Variants in NAA16 observed in about 807,000 individuals in gnomAD.
NAA16 encodes N-alpha-acetyltransferase 16, NatA auxiliary subunit, also known as NARG1-like protein.
NAA16 carries 97 observed loss-of-function variants against 110.3 expected under a neutral mutation model. That is an observed-to-expected ratio of 0.88 (90% CI 0.75 to 1.04). The LOEUF (loss-of-function observed/expected upper bound fraction) is 1.04. NAA16 is among the 50% of genes least tolerant of loss of function. The pLI, the probability that NAA16 is intolerant of heterozygous loss-of-function variation, is 0.00. For synonymous variants in NAA16, 372 were observed against 330.6 expected (o/e 1.13, Z -1.36); for missense variants, 1,017 against 1,005.1 (o/e 1.01, Z -0.16).
At position 41,311,369 on chromosome 13, in the gene NAA16, G is replaced by A. The variant is rs1195940844; in HGVS notation, c.-160G>A. On this transcript the variant is annotated 5_prime_UTR_variant, in exon 1 of 20. Transcript: ENST00000379406. ...TTCCTTCTCCATTGCCACCCGTGCC[G>A]AACAGCCAGGCTGCCCAATTGCAAC... The A allele has an allele frequency of 3.0e-6, 2 of 655,908 alleles. No individual in the cohort carries two copies. The highest frequency in any genetic ancestry group is 5.2e-6 in the Non-Finnish European group (2 of 382,910). 40.6% of individuals were successfully genotyped at this position (655,908 alleles called of 1,614,324 possible). A position where few individuals can be genotyped will look rare whatever the true frequency, so the allele number is the denominator to read the frequency against.
At chr13:41,327,270 C>T (rs1393158618) in intron 6 of NAA16, among the ~76,000 whole-genome samples, 1 of 151,990 alleles carries the variant, frequency 6.6e-6, no homozygotes, top group African/African-American at 2.4e-5. Context: ...ATTCTGGTTT[C>T]TATCTTGTTC....
chr13:41,355,053 T>C (rs1306191835), intron 9 of NAA16, 91 bp from the exon 10 acceptor site: 4 of 740,552 alleles, frequency 5.4e-6, no homozygotes, highest in Non-Finnish European at 9.0e-6. Flanking sequence ...TGAAATAAGC[T>C]GTATATTTTC....
Position 41,375,959 on chromosome 13 carries a change from A to G in NAA16, c.*357A>G, listed in dbSNP as rs918915147. 6 of 166,330 alleles carry G rather than the reference A, an allele frequency of 3.6e-5. No homozygotes were observed. Among genetic ancestry groups the G allele is most frequent in the African/African-American group, 1.4e-4 (6 of 41,782 alleles). The allele number at this position is 166,330 out of a possible 1,614,324, so 10.3% of individuals were successfully genotyped here. ...TTATCGTATATTTGCTTGCTTTTTAATTAAAGCACATCAGTTTTAAAGTGT... is the reference window on the plus strand; with the variant it reads ...TTATCGTATATTTGCTTGCTTTTTAGTTAAAGCACATCAGTTTTAAAGTGT... On this transcript the variant is annotated 3_prime_UTR_variant, in exon 20 of 20. Transcript: ENST00000379406.
chr13:41,369,735 G>A (rs1432578945), intron 15 of NAA16, among the ~76,000 whole-genome samples: 1 of 152,182 alleles, frequency 6.6e-6, no homozygotes, highest in African/African-American at 2.4e-5. Flanking sequence ...GCTGTTGCTG[G>A]CTTTGAAGAT....
At chr13:41,344,502 G>A (rs996728470) in intron 9 of NAA16, among the ~76,000 whole-genome samples, 1 of 152,220 alleles carries the variant, frequency 6.6e-6, no homozygotes, top group African/African-American at 2.4e-5. Flanking sequence ...TGTCGCTGCA[G>A]TGAGGTGAGG....
At position 41,358,821 on chromosome 13, in the gene NAA16, T is replaced by A. The variant is rs1368907011; in HGVS notation, c.1269T>A (p.Asn423Lys). Residue 423 changes from asparagine (N) to lysine (K), a missense_variant, in exon 12 of 20, where the codon AAT (asparagine) becomes AAA (lysine). Physicochemically the swap from Asn to Lys is moderately conservative, Grantham distance 94 (BLOSUM62 0). Coordinates refer to ENST00000379406, the MANE Select transcript of NAA16 (RefSeq NM_024561.5). ...MKAKIYKHIGNLKEAAKWMDE... is the reference protein window; with the variant it reads ...MKAKIYKHIGKLKEAAKWMDE... ...ATTATCTTTTATAGCATATAGGTAA[T>A]CTCAAAGAAGCTGCAAAGTGGATGG... The A allele has an allele frequency of 6.2e-7, 1 of 1,601,210 alleles. No homozygotes were observed.
chr13:41,367,713 G>A (rs939547697), intron 14 of NAA16, 61 bp downstream of exon 14: 33 of 1,059,498 alleles, frequency 3.1e-5, no homozygotes, highest in Middle Eastern at 2.9e-4. Context: ...TGCCATTAGC[G>A]TAAACAATAC....
intron 9 of NAA16, among the ~76,000 whole-genome samples, chr13:41,339,373 A>G (rs1244818503): frequency 2.0e-5 from 3 of 152,148 alleles, no homozygotes; most frequent in Non-Finnish European, 4.4e-5. Flanking sequence ...TCCTGACCTC[A>G]GGTGATCTGC....
chr13:41,356,883 G>C (rs2043001368), intron 10 of NAA16, among the ~76,000 whole-genome samples: 1 of 152,188 alleles, frequency 6.6e-6, no homozygotes, highest in Non-Finnish European at 1.5e-5. Flanking sequence ...TTAGATTCAG[G>C]TTCTGTTTAA....
intron 12 of NAA16, among the ~76,000 whole-genome samples, chr13:41,360,795 A>G (rs80340784): frequency 0.012 from 1,838 of 152,366 alleles, 31 homozygotes; most frequent in African/African-American, 0.041. Context: ...TTTTCAGTTT[A>G]GAACTTTTGT....
At chr13:41,328,664 C>A in intron 6 of NAA16, 60 bp from the exon 7 acceptor site, 2 of 1,400,434 alleles carry the variant, frequency 1.4e-6, no homozygotes, top group Non-Finnish European at 2.0e-6. Context: ...TTAGTGAAGT[C>A]CCTGGGGTCA....
chr13:41,319,826 T>A (rs941093560), intron 3 of NAA16, among the ~76,000 whole-genome samples: 65 of 151,654 alleles, frequency 4.3e-4, no homozygotes, highest in African/African-American at 1.5e-3. Context: ...CAAAAAAAAA[T>A]TTTTTTTTAA....
At position 41,358,925 on chromosome 13, in the gene NAA16, TAAA is replaced by T; in HGVS notation, c.1375_1377del (p.Lys459del). 1 of 1,610,602 alleles carries T rather than the reference TAAA, an allele frequency of 6.2e-7. No homozygotes were observed. Among genetic ancestry groups the T allele is most frequent in the Non-Finnish European group, 8.5e-7 (1 of 1,177,644 alleles). Reference sequence around the variant, plus strand: ...AAATACATGCTTCGAGCAAATATGATAAAAGAAGCAGAGGAAATGTGCTCCAAG... The same window carrying T: ...AAATACATGCTTCGAGCAAATATGATAGAAGCAGAGGAAATGTGCTCCAAG... On this transcript the variant is annotated inframe_deletion, in exon 12 of 20. Transcript: ENST00000379406.
At chr13:41,351,591 A>G (rs1008198075) in intron 9 of NAA16, among the ~76,000 whole-genome samples, 1 of 152,254 alleles carries the variant, frequency 6.6e-6, no homozygotes, top group Admixed American at 6.5e-5. Flanking sequence ...TAACTCTTAC[A>G]TAAGAAAAGC....
chr13:41,368,052 C>T (rs1310543944), intron 14 of NAA16, among the ~76,000 whole-genome samples: 4 of 151,984 alleles, frequency 2.6e-5, no homozygotes, highest in South Asian at 2.1e-4. Flanking sequence ...TTTAAAAAGA[C>T]GAGTTTAGGA....
chr13:41,376,925 T>C lies in NAA16; in HGVS notation c.*1323T>C, dbSNP rs1407760889. The C allele has an allele frequency of 1.3e-5, 2 of 152,178 alleles. No homozygotes were observed. The highest frequency in any genetic ancestry group is 2.4e-5 in the African/African-American group (1 of 41,450). 9.4% of individuals were successfully genotyped at this position (152,178 alleles called of 1,614,324 possible). Reference sequence around the variant, plus strand: ...AGATTTTATTTAGACACACATTTTCTTTTCACCCTAATCTATTTAGATTCA... The same window carrying C: ...AGATTTTATTTAGACACACATTTTCCTTTCACCCTAATCTATTTAGATTCA... On this transcript the variant is annotated 3_prime_UTR_variant, in exon 20 of 20. Transcript: ENST00000379406.
intron 15 of NAA16, among the ~76,000 whole-genome samples, chr13:41,369,589 T>C (rs2043276589): frequency 6.6e-6 from 1 of 152,220 alleles, no homozygotes; most frequent in African/African-American, 2.4e-5. Context: ...ATGGAATTTA[T>C]GGTTGTAATG....
chr13:41,325,834 T>A lies in NAA16; in HGVS notation c.674T>A (p.Leu225Ter), dbSNP rs762053952. ...GAGAAACAAATATGTGATAAACTTT[T>A]GGTGGAAGAAATTAAAGGTAAGTTG... ...MYEKQICDKLLVEEIKGEILL... is the reference protein window; with the variant it reads ...MYEKQICDKL The change falls in exon 6 of 20, where the codon TTG becomes TAG. Residue 225 changes from leucine to a stop codon, truncating the protein, a stop_gained. Coordinates refer to ENST00000379406, the MANE Select transcript of NAA16 (RefSeq NM_024561.5). LOFTEE classifies it high-confidence loss of function. 3.1e-6 allele frequency: 5 copies of A among 1,600,324 alleles called. No individual in the cohort carries two copies. Among genetic ancestry groups the A allele is most frequent in the Non-Finnish European group, 4.3e-6 (5 of 1,175,208 alleles).
chr13:41,371,789 G>A (rs1248320091), intron 15 of NAA16, among the ~76,000 whole-genome samples: 1 of 152,092 alleles, frequency 6.6e-6, no homozygotes, highest in African/African-American at 2.4e-5. Context: ...CTCCCCTAAT[G>A]CTCATGTTGT....
Sources: allele counts gnomAD v4.1 joint callset (sites outside exome capture counted in the v4.1 genomes callset), GRCh38; gene constraint gnomAD v4.1.1; transcripts MANE v1.5; gene names NCBI Gene and HGNC (gene_info 2026-07-23, HGNC 2026-07-21).